BPIFB2: variants seen among roughly 807,000 people sequenced by gnomAD.
The protein encoded by BPIFB2 is BPI fold containing family B member 2, also known as BPI fold-containing family B member 2.
BPIFB2 carries 39 observed loss-of-function variants against 50.1 expected under a neutral mutation model. The ratio of observed to expected loss-of-function variants is 0.78; its 90% CI spans 0.60 to 1.02. BPIFB2 has a LOEUF of 1.02. Among genes scored for constraint, BPIFB2 ranks in the 50% least tolerant of loss-of-function variants. The pLI is 0.00. For synonymous variants in BPIFB2, 280 were observed against 256.3 expected (o/e 1.09, Z -0.88); for missense variants, 574 against 585.8 (o/e 0.98, Z 0.21).
rs771342032 is a variant in BPIFB2, at chr20:33,019,758, C to A, written c.1080+8C>A. 7.0e-5 allele frequency: 111 copies of A among 1,579,850 alleles called. No individual in the cohort carries two copies. Among genetic ancestry groups the A allele is most frequent in the Non-Finnish European group, 9.2e-5 (107 of 1,160,214 alleles). On this transcript the variant is annotated splice_region_variant and intron_variant, in intron 11 of 15. Coordinates refer to ENST00000170150, the MANE Select transcript of BPIFB2 (RefSeq NM_025227.3). ...CTCTTCTCCCTGGATGTGGTGAGTGCGGTGGGGCTGGTCGGAAGGCAGGCA... is the reference window on the plus strand; with the variant it reads ...CTCTTCTCCCTGGATGTGGTGAGTGAGGTGGGGCTGGTCGGAAGGCAGGCA...
Position 33,009,377 on chromosome 20 carries a change from G to A in BPIFB2, c.109+694G>A, listed in dbSNP as rs947315740. On this transcript the variant is annotated intron_variant, in intron 2 of 15. Coordinates refer to ENST00000170150, the MANE Select transcript of BPIFB2 (RefSeq NM_025227.3). This position sits in a 1 kb window ranked among gnomAD's most constrained non-coding sequence, Gnocchi z 4.2. ...GACATTGCCAAGGTCCAGGACGCCA[G>A]CACAAACATGTTTATTCACCTCGAG... Among the ~76,000 whole-genome samples, 1 of 152,196 alleles carries A rather than the reference G, an allele frequency of 6.6e-6. No individual in the cohort carries two copies. The highest frequency in any genetic ancestry group is 1.5e-5 in the Non-Finnish European group (1 of 68,040).
chr20:33,021,871 T>A, intron 15 of BPIFB2, 72 bp downstream of exon 15: 12 of 1,423,324 alleles, frequency 8.4e-6, no homozygotes, highest in Middle Eastern at 1.8e-4. Context: ...GGGTCACCTC[T>A]CTCCCTCCCC....
rs1427055575 is a variant in BPIFB2 at position 33,017,110 on chromosome 20, C to A, written c.577+8C>A. The A allele has an allele frequency of 1.9e-6, 3 of 1,613,406 alleles. No individual in the cohort carries two copies. The highest frequency in any genetic ancestry group is 2.5e-6 in the Non-Finnish European group (3 of 1,179,802). ...ACCTGGGCACCTTAATTGGTAAGATCTGGGAGCCAGGGGAGGGGGCTGGGG... is the reference window on the plus strand; with the variant it reads ...ACCTGGGCACCTTAATTGGTAAGATATGGGAGCCAGGGGAGGGGGCTGGGG... On this transcript the variant is annotated splice_region_variant and intron_variant, in intron 7 of 15. Coordinates refer to ENST00000170150, the MANE Select transcript of BPIFB2 (RefSeq NM_025227.3).
At position 33,023,514 on chromosome 20, in the gene BPIFB2, C is replaced by G. The variant is rs1480553785; in HGVS notation, c.*131C>G. The G allele has an allele frequency of 1.9e-6, 2 of 1,066,262 alleles. No homozygotes were observed. The highest frequency in any genetic ancestry group is 2.8e-6 in the Non-Finnish European group (2 of 709,936). 66.1% of individuals were successfully genotyped at this position (1,066,262 alleles called of 1,614,324 possible). On this transcript the variant is annotated 3_prime_UTR_variant, in exon 16 of 16. Coordinates refer to ENST00000170150, the MANE Select transcript of BPIFB2 (RefSeq NM_025227.3). The stretch of plus-strand genomic sequence containing the variant: ...CAACAAGCTGGACTGCTTAGCTGGG[C>G]TGTTTTATCTTCCCTGAGTGCCTGG...
chr20:33,023,277 A>T (rs922964816), intron 15 of BPIFB2, 65 bp from the exon 16 acceptor site: 13 of 1,508,594 alleles, frequency 8.6e-6, no homozygotes, highest in Non-Finnish European at 1.1e-5. Flanking sequence ...AGCCAGGCTG[A>T]GGGGGCGGCT....
At chr20:33,021,181 G>T in intron 13 of BPIFB2, 100 bp from the exon 14 acceptor site, 1 of 1,298,810 alleles carries the variant, frequency 7.7e-7, no homozygotes, top group Non-Finnish European at 1.1e-6. Flanking sequence ...TCCATCTGTT[G>T]TCTGTCTGTC....
intron 4 of BPIFB2, among the ~76,000 whole-genome samples, chr20:33,013,124 C>G (rs1346664179): frequency 6.6e-6 from 1 of 152,140 alleles, no homozygotes; most frequent in African/African-American, 2.4e-5. Context: ...GGCAGAGTCA[C>G]TTGGCTTGTT....
intron 9 of BPIFB2, 53 bp downstream of exon 9, chr20:33,018,875 C>A: frequency 6.3e-7 from 1 of 1,582,862 alleles, no homozygotes; most frequent in Non-Finnish European, 8.6e-7. Flanking sequence ...TCCCTGTGGC[C>A]CAGCCTAGGG....
chr20:33,021,883 T>C (rs1466332711), intron 15 of BPIFB2, 84 bp downstream of exon 15: 21 of 1,361,660 alleles, frequency 1.5e-5, no homozygotes, highest in Non-Finnish European at 2.1e-5. Context: ...TCCCTCCCCC[T>C]CTGTGGCTGC....
Position 33,012,937 on chromosome 20 carries a change from A to T in BPIFB2, c.308+30A>T, listed in dbSNP as rs777115352. 5.1e-6 allele frequency: 8 copies of T among 1,574,468 alleles called. No individual in the cohort carries two copies. In the South Asian group the frequency reaches 8.9e-5, roughly 17 times the overall value. On this transcript the variant is annotated intron_variant, in intron 4 of 15. Transcript: ENST00000170150. ...GCGGATCTCCTTGTTAGGGGGTGAG[A>T]AGGGTTTTGGGGATGCTCCGAGGGA... is the stretch of plus-strand genomic sequence containing the variant.
chr20:33,022,518 A>C (rs1038707999), intron 15 of BPIFB2, among the ~76,000 whole-genome samples: 7 of 152,200 alleles, frequency 4.6e-5, no homozygotes, highest in Non-Finnish European at 1.0e-4. Context: ...ACTTCCCAAA[A>C]CAGGCAGTTA....
chr20:33,008,772 G>A (rs1359034535), intron 2 of BPIFB2, 89 bp downstream of exon 2: 11 of 1,136,824 alleles, frequency 9.7e-6, no homozygotes, highest in Non-Finnish European at 1.3e-5. Context: ...AACTCAAAAG[G>A]CCCATGAGGA....
intron 3 of BPIFB2, 98 bp from the exon 4 acceptor site, chr20:33,012,705 T>C: frequency 2.1e-6 from 2 of 940,230 alleles, no homozygotes; most frequent in Non-Finnish European, 3.4e-6. Context: ...AAAGCCCTTC[T>C]TTATAACATC....
intron 9 of BPIFB2, 68 bp downstream of exon 9, chr20:33,018,890 C>T: frequency 6.4e-7 from 1 of 1,572,874 alleles, no homozygotes; most frequent in East Asian, 2.2e-5. Flanking sequence ...CTAGGGAGAC[C>T]TCCCAGAGGC....
chr20:33,017,191 G>A (rs1048753183), intron 7 of BPIFB2, 89 bp downstream of exon 7: 8 of 1,268,886 alleles, frequency 6.3e-6, no homozygotes, highest in African/African-American at 3.0e-5. Context: ...TCTGGATCAC[G>A]GTCGACCTCT....
At chr20:33,022,146 G>A (rs1465527294) in intron 15 of BPIFB2, among the ~76,000 whole-genome samples, 2 of 152,326 alleles carry the variant, frequency 1.3e-5, no homozygotes, top group South Asian at 2.1e-4. Context: ...GATGGGAGTA[G>A]GGAACTTCCT....
At chr20:33,020,133 C>A (rs73254519) in intron 11 of BPIFB2, among the ~76,000 whole-genome samples, 195 bp from the exon 12 acceptor site, 8,083 of 152,290 alleles carry the variant, frequency 0.053, 542 homozygotes, top group African/African-American at 0.16. Flanking sequence ...GCTGGCGGCT[C>A]GTTCCCAGGG....
chr20:33,013,254 G>A (rs1318966708), intron 4 of BPIFB2, among the ~76,000 whole-genome samples: 5 of 152,152 alleles, frequency 3.3e-5, no homozygotes, highest in Non-Finnish European at 7.3e-5. Context: ...CCAGGGCAAG[G>A]CACATGAGAG....
intron 11 of BPIFB2, 88 bp from the exon 12 acceptor site, chr20:33,020,240 A>G: frequency 7.7e-7 from 1 of 1,306,290 alleles, no homozygotes; most frequent in Admixed American, 1.8e-5. Flanking sequence ...TGCTGCCTGA[A>G]TGAGTCGGGG....
Sources: allele counts gnomAD v4.1 joint callset (sites outside exome capture counted in the v4.1 genomes callset), GRCh38; gene constraint gnomAD v4.1.1; non-coding constraint Gnocchi (gnomAD v3.1); transcripts MANE v1.5; gene names NCBI Gene and HGNC (gene_info 2026-07-23, HGNC 2026-07-21).